The following DSCAM variants were observed in gnomAD, a reference collection of about 807,000 sequenced individuals.
DSCAM encodes the protein cell adhesion molecule DSCAM.
Under a neutral mutation model 217.7 loss-of-function variants are expected in DSCAM, and 47 were observed. The observed-to-expected ratio is 0.22, with a 90% CI of 0.17 to 0.28. The LOEUF is 0.28. DSCAM is among the 10% of genes least tolerant of loss of function. The pLI is 1.00. For missense variants in DSCAM, 2,080 were observed against 2,618.3 expected (o/e 0.79, Z 4.49); for synonymous variants, 1,056 against 1,015.3 (o/e 1.04, Z -0.76).
rs1480835927 is a variant in DSCAM, at chr21:40,078,976, C to A, written c.4422G>T (p.Glu1474Asp). ...EIIEAKTLGK[E>D]PQFSKEQELF... is the part of the protein sequence containing the mutation. ...GCTCCTGCTCCTTTGAGAACTGGGG[C>A]TCTGGGGGAGAAGGCACATGGAGGT... The change falls in exon 26 of 33, where the codon GAG becomes GAT. Residue 1474 changes from glutamate (E) to aspartate (D), a missense_variant and splice_region_variant. Physicochemically the swap from Glu to Asp is conservative, Grantham distance 45. Around this residue, in one of 5 missense-constraint regions of DSCAM, gnomAD observed 1,144 missense variants for 1,421.1 expected, o/e 0.81. Coordinates refer to ENST00000400454, the MANE Select transcript of DSCAM (RefSeq NM_001389.5). 6.2e-7 allele frequency: 1 copy of A among 1,612,958 alleles called. No homozygotes were observed. Among genetic ancestry groups the A allele is most frequent in the Non-Finnish European group, 8.5e-7 (1 of 1,179,168 alleles).
chr21:40,645,547 C>T (rs1267831578), intron 3 of DSCAM, among the ~76,000 whole-genome samples: 1 of 151,934 alleles, frequency 6.6e-6, no homozygotes. Context: ...TTAGTAAAGA[C>T]TTATAACTAT....
intron 3 of DSCAM, among the ~76,000 whole-genome samples, chr21:40,689,757 C>T (rs2090519381): frequency 6.6e-6 from 1 of 152,184 alleles, no homozygotes; most frequent in Admixed American, 6.5e-5. Flanking sequence ...GGAATAAATC[C>T]AAACTAGCTC....
At chr21:40,712,469 CAAAAAAAAAAAAA>C (rs571819417) in intron 1 of DSCAM, among the ~76,000 whole-genome samples, 9 of 27,332 alleles carry the variant, frequency 3.3e-4, no homozygotes, top group African/African-American at 4.5e-4. Context: ...GACTCCGTCT[CAAAAAAAAAAAAA>C]AAAAAAAAAA....
intron 3 of DSCAM, among the ~76,000 whole-genome samples, chr21:40,478,842 G>A (rs994628887): frequency 6.6e-6 from 1 of 152,068 alleles, no homozygotes; most frequent in Non-Finnish European, 1.5e-5. Flanking sequence ...CCACACCTGT[G>A]ACAAAGTTTA....
intron 1 of DSCAM, among the ~76,000 whole-genome samples, chr21:40,768,113 G>A (rs561005555): frequency 2.1e-4 from 32 of 152,310 alleles, no homozygotes; most frequent in African/African-American, 6.0e-4. Flanking sequence ...GAATCATCCA[G>A]GTATTTCACA....
chr21:40,148,471 G>A (rs1415527146), intron 16 of DSCAM, among the ~76,000 whole-genome samples: 1 of 152,094 alleles, frequency 6.6e-6, no homozygotes, highest in Non-Finnish European at 1.5e-5. Context: ...AAATACCACT[G>A]AATCATACAC....
At chr21:40,422,503 A>G (rs79991905) in intron 3 of DSCAM, among the ~76,000 whole-genome samples, 10,863 of 152,076 alleles carry the variant, frequency 0.071, 633 homozygotes, top group African/African-American at 0.16. Flanking sequence ...TTAGCCGGTC[A>G]TGGTGGTGCA....
At chr21:40,463,133 G>A (rs1446843876) in intron 3 of DSCAM, among the ~76,000 whole-genome samples, 4 of 151,796 alleles carry the variant, frequency 2.6e-5, no homozygotes, top group Admixed American at 6.6e-5. Context: ...GCCTAATAAC[G>A]AGCATTGTAA....
At chr21:40,367,084 C>G (rs2074841076) in intron 4 of DSCAM, among the ~76,000 whole-genome samples, 3 of 152,148 alleles carry the variant, frequency 2.0e-5, no homozygotes, top group African/African-American at 7.2e-5. Flanking sequence ...TCTTCAAGGA[C>G]ATAGACCATC....
chr21:40,549,511 C>T (rs2076612825), intron 3 of DSCAM, among the ~76,000 whole-genome samples: 2 of 152,114 alleles, frequency 1.3e-5, no homozygotes, highest in Admixed American at 1.3e-4. Context: ...ATCCATATGA[C>T]CAAACGAAAT....
intron 3 of DSCAM, among the ~76,000 whole-genome samples, chr21:40,626,001 A>G (rs1314042009): frequency 6.6e-6 from 1 of 152,190 alleles, no homozygotes; most frequent in Non-Finnish European, 1.5e-5. Flanking sequence ...TTGAAAAAAT[A>G]TGGACTTTAC....
intron 1 of DSCAM, among the ~76,000 whole-genome samples, chr21:40,725,908 C>T (rs1173338136): frequency 1.3e-5 from 2 of 152,106 alleles, no homozygotes; most frequent in African/African-American, 4.8e-5. Context: ...AAAATTTTGA[C>T]CTCTCATGTA....
intron 1 of DSCAM, among the ~76,000 whole-genome samples, chr21:40,749,937 C>CT (rs554590479): frequency 1.2e-3 from 177 of 146,588 alleles, no homozygotes; most frequent in South Asian, 1.1e-3. Flanking sequence ...CTTTCTTCTT[C>CT]TTTTTTTTTT....
chr21:40,357,823 G>A (rs1470910448), intron 4 of DSCAM, among the ~76,000 whole-genome samples: 1 of 151,032 alleles, frequency 6.6e-6, no homozygotes, highest in Non-Finnish European at 1.5e-5. Flanking sequence ...TAACGAACCT[G>A]CACGTTGTGC....
chr21:40,587,849 G>C (rs982658926), intron 3 of DSCAM, among the ~76,000 whole-genome samples: 2 of 152,098 alleles, frequency 1.3e-5, no homozygotes, highest in African/African-American at 4.8e-5. Flanking sequence ...AGCTGTCTCA[G>C]TGGATTTGGC....
chr21:40,782,449 T>A (rs983637297), intron 1 of DSCAM, among the ~76,000 whole-genome samples: 4 of 152,182 alleles, frequency 2.6e-5, no homozygotes, highest in Non-Finnish European at 5.9e-5. Flanking sequence ...ACCTCCTGGT[T>A]GGGCGCAGTG....
At chr21:40,720,047 G>T (rs142056803) in intron 1 of DSCAM, among the ~76,000 whole-genome samples, 4 of 152,162 alleles carry the variant, frequency 2.6e-5, no homozygotes, top group Non-Finnish European at 5.9e-5. Flanking sequence ...ATTTTGAGAC[G>T]TTAACCAACA....
chr21:40,476,172 C>T (rs1044218837), intron 3 of DSCAM, among the ~76,000 whole-genome samples: 7 of 151,914 alleles, frequency 4.6e-5, no homozygotes, highest in South Asian at 2.1e-4. Flanking sequence ...ATGCCAGAAA[C>T]GTCCTTGTAT....
At chr21:40,130,489 C>T (rs565074469) in intron 19 of DSCAM, among the ~76,000 whole-genome samples, 1 of 152,260 alleles carries the variant, frequency 6.6e-6, no homozygotes, top group African/African-American at 2.4e-5. Flanking sequence ...AAGATGATAT[C>T]CATGGCCCTG....
Sources: gnomAD v4.1 joint callset for allele counts (sites outside exome capture counted in the v4.1 genomes callset) on GRCh38, gnomAD v4.1.1 for gene constraint, gnomAD v4.1.1 regional missense constraint, MANE v1.5 for transcripts, NCBI Gene and HGNC (gene_info 2026-07-23, HGNC 2026-07-21) for gene names.